Variants in SAMMSON observed in about 807,000 individuals in gnomAD.
The protein encoded by SAMMSON is survival associated mitochondrial melanoma specific oncogenic non-coding RNA, also known as long intergenic non-protein coding RNA 1212.
At chr3:70,071,099 T>C (rs1576114329) in intron 3 of SAMMSON, among the ~76,000 whole-genome samples, 1 of 151,902 alleles carries the variant, frequency 6.6e-6, no homozygotes, top group Non-Finnish European at 1.5e-5. Context: ...ATAGGTATCG[T>C]ATTTAGAACA....
At chr3:70,024,144 C>A (rs550907775) in intron 3 of SAMMSON, among the ~76,000 whole-genome samples, 6 of 152,288 alleles carry the variant, frequency 3.9e-5, no homozygotes, top group African/African-American at 9.6e-5. Context: ...GTTAGATTGG[C>A]AGTTCTTTGA....
chr3:70,059,821 T>A (rs145399536), intron 3 of SAMMSON, among the ~76,000 whole-genome samples: 2 of 152,102 alleles, frequency 1.3e-5, no homozygotes, highest in African/African-American at 4.8e-5. Context: ...TCTAGCTGTT[T>A]TAGTGAATGA....
intron 4 of SAMMSON, among the ~76,000 whole-genome samples, chr3:70,141,503 A>G (rs1355178843): frequency 6.6e-6 from 1 of 152,172 alleles, no homozygotes; most frequent in Non-Finnish European, 1.5e-5. Flanking sequence ...ACTGATTCAA[A>G]TGCTAATCTC....
At position 70,300,455 on chromosome 3, in the gene SAMMSON, G is replaced by A. The variant is rs147925770; in HGVS notation, n.739+9212G>A. Among the ~76,000 whole-genome samples, 932 of 151,948 alleles carry A rather than the reference G, an allele frequency of 6.1e-3. 12 individuals carry two copies. Among genetic ancestry groups the A allele is most frequent in the African/African-American group, 0.021 (888 of 41,442 alleles). On this transcript the variant is annotated intron_variant and non_coding_transcript_variant, in intron 7 of 9. Coordinates refer to ENST00000642114, the Ensembl canonical transcript of SAMMSON. ...ATCCAATAAAAATATAGTTAGAAGGGCATAGAGACAGATAGAGTTAGATAT... is the reference window on the plus strand; with the variant it reads ...ATCCAATAAAAATATAGTTAGAAGGACATAGAGACAGATAGAGTTAGATAT...
chr3:70,329,560 A>AC (rs138783267), intron 7 of SAMMSON, among the ~76,000 whole-genome samples: 20,042 of 151,978 alleles, frequency 0.13, 1,416 homozygotes, highest in South Asian at 0.18. Context: ...TGAAAATGTA[A>AC]TTCCACACAG....
At chr3:70,229,953 A>G (rs1169278016) in intron 4 of SAMMSON, among the ~76,000 whole-genome samples, 1 of 152,192 alleles carries the variant, frequency 6.6e-6, no homozygotes, top group Non-Finnish European at 1.5e-5. Flanking sequence ...ATAATGATAC[A>G]AATATTTAAT....
At chr3:70,079,112 A>T (rs2106640109) in intron 4 of SAMMSON, among the ~76,000 whole-genome samples, 2 of 152,280 alleles carry the variant, frequency 1.3e-5, no homozygotes, top group Admixed American at 1.3e-4. Context: ...TTACAGAAAA[A>T]GTTTGCAGAT....
intron 4 of SAMMSON, among the ~76,000 whole-genome samples, chr3:70,087,151 G>A (rs1031181879): frequency 1.3e-5 from 2 of 152,050 alleles, no homozygotes; most frequent in Non-Finnish European, 2.9e-5. Flanking sequence ...CTGGATCTCC[G>A]CCATGTTGTT....
intron 4 of SAMMSON, among the ~76,000 whole-genome samples, chr3:70,080,194 A>C (rs1404954512): frequency 6.6e-6 from 1 of 152,214 alleles, no homozygotes; most frequent in Non-Finnish European, 1.5e-5. Context: ...ACTCACTGTC[A>C]GGCCAAACGA....
At chr3:70,180,774 G>A (rs376499378) in intron 4 of SAMMSON, among the ~76,000 whole-genome samples, 1 of 152,190 alleles carries the variant, frequency 6.6e-6, no homozygotes, top group African/African-American at 2.4e-5. Flanking sequence ...CAGACAGACT[G>A]TTCCTGCCCT....
At chr3:70,042,042 C>T (rs1020435939) in intron 3 of SAMMSON, among the ~76,000 whole-genome samples, 1 of 152,042 alleles carries the variant, frequency 6.6e-6, no homozygotes, top group Non-Finnish European at 1.5e-5. Context: ...GAAGATGGAT[C>T]TCCGTCTACT....
intron 4 of SAMMSON, chr3:70,204,506 C>T (rs1001277434): frequency 6.6e-6 from 1 of 152,084 alleles, no homozygotes; most frequent in Admixed American, 6.6e-5. Context: ...CTTACTTCAC[C>T]GGGGAGATTT....
chr3:70,328,039 G>C (rs570682174), intron 7 of SAMMSON, among the ~76,000 whole-genome samples: 1 of 152,272 alleles, frequency 6.6e-6, no homozygotes, highest in Non-Finnish European at 1.5e-5. Context: ...AAGGTGAAAG[G>C]CACATCCCAC....
intron 4 of SAMMSON, among the ~76,000 whole-genome samples, chr3:70,180,733 G>T (rs1459037232): frequency 1.3e-5 from 2 of 152,112 alleles, no homozygotes; most frequent in Non-Finnish European, 1.5e-5. Flanking sequence ...ATTATATCTG[G>T]GCCAACAATG....
chr3:70,429,104 A>G (rs1024459239), intron 2 of SAMMSON, among the ~76,000 whole-genome samples: 2 of 152,080 alleles, frequency 1.3e-5, no homozygotes, highest in African/African-American at 2.4e-5. Flanking sequence ...TTTAGGTCTT[A>G]CATTTAAGTC....
chr3:70,012,060 A>G (rs1182782802), intron 1 of SAMMSON, among the ~76,000 whole-genome samples: 3 of 152,094 alleles, frequency 2.0e-5, no homozygotes, highest in Non-Finnish European at 2.9e-5. Flanking sequence ...TCCCTCCTGG[A>G]CTGAGCAGGA....
At chr3:70,144,364 A>C (rs979993877) in intron 4 of SAMMSON, among the ~76,000 whole-genome samples, 3 of 152,032 alleles carry the variant, frequency 2.0e-5, no homozygotes, top group African/African-American at 7.2e-5. Context: ...AGTAGGTCCC[A>C]GTGCTGGTGT....
At chr3:70,135,226 C>T (rs371025088) in intron 4 of SAMMSON, among the ~76,000 whole-genome samples, 40 of 152,074 alleles carry the variant, frequency 2.6e-4, no homozygotes, top group African/African-American at 9.2e-4. Flanking sequence ...ATATGACTGA[C>T]TAATGGGAAT....
intron 9 of SAMMSON, among the ~76,000 whole-genome samples, chr3:70,373,808 T>G (rs1702989435): frequency 1.3e-5 from 2 of 152,220 alleles, no homozygotes; most frequent in Non-Finnish European, 2.9e-5. Context: ...CATTTGGTTC[T>G]TCTTTATATC....
Sources: allele counts gnomAD v4.1 joint callset (sites outside exome capture counted in the v4.1 genomes callset), GRCh38; gene constraint gnomAD v4.1.1; transcripts MANE v1.5; gene names NCBI Gene and HGNC (gene_info 2026-07-23, HGNC 2026-07-21).